ANK2: variants seen among roughly 807,000 people sequenced by gnomAD.
ANK2 encodes ankyrin 2, also known as ankyrin-2.
A neutral mutation model predicts 360.5 loss-of-function variants in ANK2; 83 were observed. The ratio of observed to expected loss-of-function variants is 0.23; its 90% confidence interval spans 0.19 to 0.28. The LOEUF (loss-of-function observed/expected upper bound fraction) is 0.28, where lower values mean the gene tolerates loss of function less well. Among genes scored for constraint, ANK2 ranks in the 10% least tolerant of loss-of-function variants. The pLI is 1.00. For synonymous variants in ANK2, 1,740 were observed against 1,759.5 expected (o/e 0.99, Z 0.28); for missense variants, 4,201 against 4,795.7 (o/e 0.88, Z 3.66).
At chr4:113,001,158 C>T (rs1275111588) in intron 2 of ANK2, among the ~76,000 whole-genome samples, 1 of 151,988 alleles carries the variant, frequency 6.6e-6, no homozygotes, top group African/African-American at 2.4e-5. Flanking sequence ...TGGCAAAACC[C>T]TGGCTCTACT....
chr4:113,283,533 A>T (rs1461019040), intron 18 of ANK2, among the ~76,000 whole-genome samples: 7 of 152,188 alleles, frequency 4.6e-5, no homozygotes, highest in Admixed American at 4.6e-4. Context: ...CGCATTAATT[A>T]TAATACAATG....
chr4:113,378,298 C>G (rs2097032319), intron 45 of ANK2: 3 of 374,652 alleles, frequency 8.0e-6, no homozygotes, highest in African/African-American at 4.3e-5. Flanking sequence ...AAACTGCCTA[C>G]TCTCCTGTAT....
At chr4:112,930,690 C>A (rs1474323968) in intron 2 of ANK2, among the ~76,000 whole-genome samples, 1 of 151,816 alleles carries the variant, frequency 6.6e-6, no homozygotes, top group East Asian at 1.9e-4. Flanking sequence ...AGTTCAAGAC[C>A]AGCCTGGCCA....
intron 2 of ANK2, among the ~76,000 whole-genome samples, chr4:112,990,112 A>T (rs959554157): frequency 6.6e-6 from 1 of 152,058 alleles, no homozygotes; most frequent in Non-Finnish European, 1.5e-5. Context: ...TCTACAAAAA[A>T]ATTAAAATTA....
chr4:112,999,708 T>C (rs933399628), intron 2 of ANK2, among the ~76,000 whole-genome samples: 2 of 152,012 alleles, frequency 1.3e-5, no homozygotes, highest in Admixed American at 6.6e-5. Context: ...TATTCTCCAT[T>C]TTCAGAATTC....
intron 2 of ANK2, among the ~76,000 whole-genome samples, chr4:113,025,708 G>A (rs1052103469): frequency 6.6e-6 from 1 of 152,020 alleles, no homozygotes; most frequent in Non-Finnish European, 1.5e-5. Context: ...CTTTTTCTCT[G>A]TGAAATTTAT....
At chr4:113,293,572 T>A (rs1365015024) in intron 22 of ANK2, 34 bp downstream of exon 22, 1 of 1,570,018 alleles carries the variant, frequency 6.4e-7, no homozygotes, top group Admixed American at 1.7e-5. Context: ...TTCAGCCCTG[T>A]TATTCTTCGT....
intron 2 of ANK2, among the ~76,000 whole-genome samples, chr4:112,990,220 G>T (rs2046293567): frequency 6.6e-6 from 1 of 152,168 alleles, no homozygotes; most frequent in African/African-American, 2.4e-5. Context: ...AGTGAGCCAT[G>T]ATTGTGCCAC....
At chr4:113,030,818 T>C (rs1005473552) in intron 2 of ANK2, among the ~76,000 whole-genome samples, 3 of 152,020 alleles carry the variant, frequency 2.0e-5, no homozygotes, top group African/African-American at 7.2e-5. Flanking sequence ...TGAGTACAGG[T>C]TTAAAACATT....
At chr4:113,365,257 G>T in intron 41 of ANK2, 75 bp downstream of exon 41, 3 of 1,508,742 alleles carry the variant, frequency 2.0e-6, no homozygotes, top group Non-Finnish European at 1.8e-6. Flanking sequence ...GTTAATTGAG[G>T]CACTGGACCT....
intron 2 of ANK2, among the ~76,000 whole-genome samples, chr4:112,981,448 G>T (rs770353087): frequency 3.3e-5 from 5 of 152,242 alleles, no homozygotes; most frequent in Non-Finnish European, 5.9e-5. Context: ...ATGGGAGAAG[G>T]TCTGGATTAG....
intron 24 of ANK2, among the ~76,000 whole-genome samples, chr4:113,311,654 A>G (rs2080020789): frequency 1.3e-5 from 2 of 152,202 alleles, no homozygotes; most frequent in South Asian, 2.1e-4. Context: ...ACCATCATAA[A>G]TAAGAGTTCT....
At chr4:112,738,113 T>C in the ANK2 span, among the ~76,000 whole-genome samples, 166 of 152,276 alleles carry the variant, frequency 1.1e-3, no homozygotes, top group Non-Finnish European at 2.0e-3. Flanking sequence ...GGATACACAA[T>C]TGAATAAGAC....
In ANK2 at chr4:113,231,817, G is replaced by T. The variant is rs751470400; in HGVS notation, c.385-344G>T. On this transcript the variant is annotated intron_variant, in intron 4 of 45. Transcript: ENST00000357077. ...TGCGGTTTCACCATTGTCCAGGCAG[G>T]TCTCGAACTCCTGACCTCATGATCC... Among the ~76,000 whole-genome samples the T allele has an allele frequency of 3.9e-5, 6 of 152,052 alleles. No homozygotes were observed. The South Asian group carries it at 1.0e-3, about 26-fold the overall frequency.
At chr4:112,895,476 CT>C (rs1276566682) in intron 1 of ANK2, among the ~76,000 whole-genome samples, 7 of 152,170 alleles carry the variant, frequency 4.6e-5, no homozygotes, top group African/African-American at 7.2e-5. Context: ...ATTTTACAAT[CT>C]TTTAGGTGCT....
chr4:113,105,846 G>A (rs2093561625), intron 1 of ANK2, among the ~76,000 whole-genome samples: 2 of 152,144 alleles, frequency 1.3e-5, no homozygotes, highest in African/African-American at 4.8e-5. Flanking sequence ...AGTGTACAGT[G>A]TGAGACTGCA....
chr4:112,958,483 A>C (rs1306860642), intron 2 of ANK2, among the ~76,000 whole-genome samples: 2 of 152,184 alleles, frequency 1.3e-5, no homozygotes, highest in Non-Finnish European at 2.9e-5. Context: ...AATCGCAGGC[A>C]CTCGGCAGGC....
chr4:113,259,850 G>T (rs189546586), intron 13 of ANK2, among the ~76,000 whole-genome samples: 2 of 123,770 alleles, frequency 1.6e-5, no homozygotes, highest in Non-Finnish European at 3.3e-5. Flanking sequence ...ACAGATTTAC[G>T]TACAGGCCAG....
At position 113,073,796 on chromosome 4, in the gene ANK2, G is replaced by C. The variant is rs1379458325; in HGVS notation, c.84+23984G>C. Reference sequence around the variant, plus strand: ...CGCCACGGAAACACCTCATCCAATGGTGCCCAGGCCGCCTCTACGCAGCAT... The same window carrying C: ...CGCCACGGAAACACCTCATCCAATGCTGCCCAGGCCGCCTCTACGCAGCAT... On this transcript the variant is annotated intron_variant, in intron 1 of 45. Transcript: ENST00000357077. Among the ~76,000 whole-genome samples, 3 of 152,190 alleles carry C rather than the reference G, an allele frequency of 2.0e-5. No individual in the cohort carries two copies. The South Asian group carries it at 6.2e-4, about 32-fold the overall frequency.
Sources: allele counts gnomAD v4.1 joint callset (sites outside exome capture counted in the v4.1 genomes callset), GRCh38; gene constraint gnomAD v4.1.1; transcripts MANE v1.5; gene names NCBI Gene and HGNC (gene_info 2026-07-23, HGNC 2026-07-21).